ACSBG2: variants seen among roughly 807,000 people sequenced by gnomAD.
ACSBG2 encodes the protein long-chain-fatty-acid--CoA ligase ACSBG2.
ACSBG2 carries 62 observed loss-of-function variants against 74.7 expected under a neutral mutation model. That is an observed-to-expected ratio of 0.83 (90% CI 0.68 to 1.03). The LOEUF (loss-of-function observed/expected upper bound fraction) is 1.03, where lower values mean the gene tolerates loss of function less well. Among genes scored for constraint, ACSBG2 ranks in the 50% least tolerant of loss-of-function variants. The pLI is 0.00. For synonymous variants in ACSBG2, 309 were observed against 294.1 expected (o/e 1.05, Z -0.52); for missense variants, 730 against 817.6 (o/e 0.89, Z 1.31).
intron 7 of ACSBG2, among the ~76,000 whole-genome samples, chr19:6,173,510 C>A (rs779172494): frequency 1.3e-5 from 2 of 152,116 alleles, no homozygotes; most frequent in Non-Finnish European, 2.9e-5. Flanking sequence ...TTGTCAAAGG[C>A]GAGTGGGAAG....
intron 1 of ACSBG2, among the ~76,000 whole-genome samples, chr19:6,137,715 T>G (rs926619181): frequency 6.6e-6 from 1 of 152,172 alleles, no homozygotes; most frequent in African/African-American, 2.4e-5. Flanking sequence ...GGGCGAGATC[T>G]CTGCTCACTG....
intron 2 of ACSBG2, among the ~76,000 whole-genome samples, chr19:6,146,757 C>T (rs974478062): frequency 6.6e-6 from 1 of 151,048 alleles, no homozygotes; most frequent in Non-Finnish European, 1.5e-5. Flanking sequence ...AAAAGCAAAG[C>T]TCCGTCTCAA....
chr19:6,187,347 G>A lies in ACSBG2; in HGVS notation c.1605G>A (p.Lys535=). 1.2e-6 allele frequency: 2 copies of A among 1,614,138 alleles called. No homozygotes were observed. The highest frequency in any genetic ancestry group is 1.7e-6 in the Non-Finnish European group (2 of 1,180,030). The change falls in exon 12 of 15, where the codon AAG becomes AAA. Residue 535 remains lysine, a synonymous_variant. Coordinates refer to ENST00000588485, the MANE Select transcript of ACSBG2 (RefSeq NM_030924.5). ...PPIPVETLVK[K]KIPIISNAML... ...TTCCTGTTGAGACCTTGGTTAAGAA[G>A]AAGATCCCCATCATCAGTAACGCCA...
chr19:6,188,052 T>G (rs372123103), intron 13 of ACSBG2, among the ~76,000 whole-genome samples: 1 of 152,132 alleles, frequency 6.6e-6, no homozygotes, highest in East Asian at 1.9e-4. Context: ...CTCTATACAA[T>G]CTCTCGCCTG....
Position 6,174,745 on chromosome 19 carries a change from C to G in ACSBG2, c.739-2484C>G, listed in dbSNP as rs774612547. 1.3e-5 allele frequency among the ~76,000 whole-genome samples: 2 copies of G among 152,064 alleles called. No individual in the cohort carries two copies. Among genetic ancestry groups the G allele is most frequent in the Non-Finnish European group, 2.9e-5 (2 of 68,006 alleles). The stretch of plus-strand genomic sequence containing the variant: ...AGACGATCCCTTGAGCCCAGGAGTT[C>G]GAGGCTGCAGTGAGCTATGATGCTG... On this transcript the variant is annotated intron_variant, in intron 7 of 14. Coordinates refer to ENST00000588485, the MANE Select transcript of ACSBG2 (RefSeq NM_030924.5). This position sits in a 1 kb window ranked among gnomAD's most constrained non-coding sequence, Gnocchi z 4.2.
intron 8 of ACSBG2, among the ~76,000 whole-genome samples, chr19:6,178,491 C>T (rs2090151969): frequency 6.6e-6 from 1 of 152,210 alleles, no homozygotes; most frequent in Non-Finnish European, 1.5e-5. Flanking sequence ...AAGCAATTCT[C>T]GTGCCTTAGC....
intron 8 of ACSBG2, among the ~76,000 whole-genome samples, chr19:6,181,823 C>T (rs914934093): frequency 7.6e-6 from 1 of 131,462 alleles, no homozygotes; most frequent in Non-Finnish European, 1.6e-5. Context: ...GCCCCCCCCC[C>T]CAACGAAATT....
intron 2 of ACSBG2, among the ~76,000 whole-genome samples, chr19:6,145,905 T>C (rs545491007): frequency 6.6e-6 from 1 of 152,226 alleles, no homozygotes; most frequent in Non-Finnish European, 1.5e-5. Flanking sequence ...AGGGGCTACT[T>C]CTTCACATTT....
chr19:6,147,698 C>T, intron 3 of ACSBG2, 23 bp downstream of exon 3: 2 of 1,597,030 alleles, frequency 1.3e-6, no homozygotes, highest in Non-Finnish European at 1.7e-6. Flanking sequence ...CATTCATTCT[C>T]CTTTGTTCAA....
chr19:6,155,659 G>A (rs1388584174), intron 4 of ACSBG2, among the ~76,000 whole-genome samples: 1 of 151,882 alleles, frequency 6.6e-6, no homozygotes, highest in Non-Finnish European at 1.5e-5. Flanking sequence ...GTGTGGTGGT[G>A]CATACCTGTA....
chr19:6,179,236 T>C (rs906841450), intron 8 of ACSBG2, among the ~76,000 whole-genome samples: 3 of 152,106 alleles, frequency 2.0e-5, no homozygotes, highest in African/African-American at 7.2e-5. Flanking sequence ...TGGATATCAT[T>C]CATTGGTAGG....
At chr19:6,167,977 A>ACCG (rs1850827023) in intron 7 of ACSBG2, among the ~76,000 whole-genome samples, 1 of 28,454 alleles carries the variant, frequency 3.5e-5, no homozygotes, top group African/African-American at 1.4e-4. Context: ...TCCCACCCTC[A>ACCG]CCCCCACCCC....
chr19:6,156,887 G>A (rs1290558205), intron 5 of ACSBG2, among the ~76,000 whole-genome samples: 1 of 150,584 alleles, frequency 6.6e-6, no homozygotes, highest in Non-Finnish European at 1.5e-5. Flanking sequence ...GGTCTCAACT[G>A]ATCCTTCTGC....
At chr19:6,142,621 C>T (rs188920298) in intron 2 of ACSBG2, among the ~76,000 whole-genome samples, 137 of 151,828 alleles carry the variant, frequency 9.0e-4, no homozygotes, top group Non-Finnish European at 1.6e-3. Flanking sequence ...GGTGTGGTGG[C>T]GGGTGCCTAT....
At chr19:6,188,178 A>G (rs1169934868) in intron 13 of ACSBG2, among the ~76,000 whole-genome samples, 1 of 151,958 alleles carries the variant, frequency 6.6e-6, no homozygotes, top group East Asian at 1.9e-4. Flanking sequence ...CCCTGGGAAT[A>G]CCCTTCCCCC....
chr19:6,177,425 G>T, intron 8 of ACSBG2, 29 bp downstream of exon 8: 3 of 1,542,722 alleles, frequency 1.9e-6, no homozygotes, highest in Non-Finnish European at 2.6e-6. Flanking sequence ...CTGGGGCTCC[G>T]ACTTCATCCT....
intron 12 of ACSBG2, 59 bp downstream of exon 12, chr19:6,187,481 C>A: frequency 6.2e-7 from 1 of 1,605,558 alleles, no homozygotes; most frequent in African/African-American, 1.3e-5. Context: ...GGTTCCCTGG[C>A]CCCACCCCAG....
chr19:6,177,474 C>A (rs942124000), intron 8 of ACSBG2, 78 bp downstream of exon 8: 5 of 1,458,538 alleles, frequency 3.4e-6, no homozygotes, highest in South Asian at 2.9e-5. Context: ...GTTAATCATT[C>A]GACAGATTTT....
chr19:6,168,405 T>C (rs1294371009), intron 7 of ACSBG2, among the ~76,000 whole-genome samples: 1 of 152,206 alleles, frequency 6.6e-6, no homozygotes, highest in Non-Finnish European at 1.5e-5. Context: ...TACTACCTAA[T>C]TCCCATTTGG....
Sources: allele counts gnomAD v4.1 joint callset (sites outside exome capture counted in the v4.1 genomes callset), GRCh38; gene constraint gnomAD v4.1.1; non-coding constraint Gnocchi (gnomAD v3.1); transcripts MANE v1.5; gene names NCBI Gene and HGNC (gene_info 2026-07-23, HGNC 2026-07-21).